The following NCKAP5 variants were observed in gnomAD, a reference collection of about 807,000 sequenced individuals.
The protein encoded by NCKAP5 is nck-associated protein 5.
In NCKAP5, 92 loss-of-function variants were observed where a neutral mutation model predicts 167.0. The observed-to-expected ratio is 0.55, with a 90% CI of 0.47 to 0.66. NCKAP5 has a LOEUF of 0.66. Ranked by LOEUF, NCKAP5 falls within the 30% of genes least tolerant of loss-of-function variation. The pLI, the probability that NCKAP5 is intolerant of heterozygous loss-of-function variation, is 0.00. For missense variants in NCKAP5, 2,378 were observed against 2,315.0 expected, an observed-to-expected ratio of 1.03 and a Z score of -0.56; for synonymous variants, 891 against 877.4, an observed-to-expected ratio of 1.02 and a Z score of -0.27.
chr2:133,168,795 CTTTATG>C (rs2084114797), intron 5 of NCKAP5, among the ~76,000 whole-genome samples: 1 of 152,086 alleles, frequency 6.6e-6, no homozygotes, highest in Non-Finnish European at 1.5e-5. Context: ...CACATTTGTT[CTTTATG>C]TTAATGGCAC....
intron 3 of NCKAP5, among the ~76,000 whole-genome samples, chr2:133,326,613 T>C (rs1216791261): frequency 6.6e-6 from 1 of 151,878 alleles, no homozygotes; most frequent in African/African-American, 2.4e-5. Context: ...TTGAAATGCT[T>C]TGCAGAAACC....
chr2:133,191,359 G>A (rs1288602934), intron 5 of NCKAP5, among the ~76,000 whole-genome samples: 1 of 152,208 alleles, frequency 6.6e-6, no homozygotes, highest in Non-Finnish European at 1.5e-5. Context: ...GTGGAAGACA[G>A]TGTGGCGATC....
chr2:132,764,279 GCAGT>G (rs1473070709), intron 16 of NCKAP5, among the ~76,000 whole-genome samples: 1 of 152,172 alleles, frequency 6.6e-6, no homozygotes, highest in African/African-American at 2.4e-5. Context: ...GTTGTAGTAG[GCAGT>G]CAATGAATAA....
intron 19 of NCKAP5, among the ~76,000 whole-genome samples, chr2:132,688,704 TGAA>T: frequency 6.6e-6 from 1 of 152,196 alleles, no homozygotes; most frequent in Non-Finnish European, 1.5e-5. Flanking sequence ...GGCTCTGAGA[TGAA>T]GAAGCACAGG....
intron 8 of NCKAP5, among the ~76,000 whole-genome samples, chr2:132,962,941 C>G (rs1453060399): frequency 6.6e-6 from 1 of 151,950 alleles, no homozygotes; most frequent in Non-Finnish European, 1.5e-5. Flanking sequence ...TCTGTAGACT[C>G]TATGGTAGAA....
At chr2:132,789,763 G>C (rs535887816) in intron 13 of NCKAP5, among the ~76,000 whole-genome samples, 3 of 152,246 alleles carry the variant, frequency 2.0e-5, no homozygotes, top group African/African-American at 7.2e-5. Context: ...GGAAATCTTG[G>C]CATGTATATA....
intron 4 of NCKAP5, among the ~76,000 whole-genome samples, chr2:133,274,776 G>A (rs545126885): frequency 2.0e-5 from 3 of 147,342 alleles, no homozygotes; most frequent in East Asian, 4.0e-4. Context: ...CTTTCTATGT[G>A]ATAATGGAAA....
At chr2:133,085,082 T>G (rs1018923136) in intron 6 of NCKAP5, among the ~76,000 whole-genome samples, 6 of 152,098 alleles carry the variant, frequency 3.9e-5, no homozygotes, top group African/African-American at 1.4e-4. Context: ...ACAAAAACAG[T>G]CAGGGTGGGG....
chr2:133,077,932 G>T (rs2080667443), intron 6 of NCKAP5, among the ~76,000 whole-genome samples: 1 of 152,168 alleles, frequency 6.6e-6, no homozygotes, highest in South Asian at 2.1e-4. Context: ...ATGCTTTTAT[G>T]TCTAAGAAAC....
At chr2:132,938,196 A>G (rs994149076) in intron 8 of NCKAP5, among the ~76,000 whole-genome samples, 2 of 152,154 alleles carry the variant, frequency 1.3e-5, no homozygotes, top group South Asian at 2.1e-4. Flanking sequence ...TTTGTCCCCA[A>G]ATATCTCCCC....
At chr2:133,380,169 C>T (rs1686419145) in intron 3 of NCKAP5, among the ~76,000 whole-genome samples, 1 of 151,994 alleles carries the variant, frequency 6.6e-6, no homozygotes, top group South Asian at 2.1e-4. Flanking sequence ...TAAGATTTAT[C>T]CTAGTATAAG....
chr2:133,607,098 C>A, the NCKAP5 span, among the ~76,000 whole-genome samples: 1 of 152,222 alleles, frequency 6.6e-6, no homozygotes, highest in Admixed American at 6.5e-5. Context: ...TACAATCTTT[C>A]TAATGGCTCT....
At chr2:133,320,941 G>A (rs906568641) in intron 3 of NCKAP5, among the ~76,000 whole-genome samples, 6 of 152,080 alleles carry the variant, frequency 3.9e-5, no homozygotes, top group Non-Finnish European at 5.9e-5. Flanking sequence ...ATTCCTGTGG[G>A]TGTCAGTTTT....
intron 3 of NCKAP5, among the ~76,000 whole-genome samples, chr2:133,319,614 C>T (rs1352125742): frequency 6.6e-6 from 1 of 152,092 alleles, no homozygotes; most frequent in African/African-American, 2.4e-5. Flanking sequence ...TTAAAATATA[C>T]ATATTTGGGA....
At chr2:133,497,335 C>G (rs1682035127) in intron 3 of NCKAP5, among the ~76,000 whole-genome samples, 1 of 152,210 alleles carries the variant, frequency 6.6e-6, no homozygotes, top group Non-Finnish European at 1.5e-5. Flanking sequence ...GCTCTGTTTT[C>G]TTAATACTCC....
chr2:132,961,969 T>C (rs559581996), intron 8 of NCKAP5, among the ~76,000 whole-genome samples: 1 of 152,348 alleles, frequency 6.6e-6, no homozygotes, highest in East Asian at 1.9e-4. Context: ...CTATCTTTTA[T>C]AGTGACTATC....
At chr2:133,037,576 G>A (rs151261916) in intron 6 of NCKAP5, among the ~76,000 whole-genome samples, 21 of 152,262 alleles carry the variant, frequency 1.4e-4, no homozygotes, top group South Asian at 6.2e-4. Flanking sequence ...AAATGGTACC[G>A]GTGAAACTGG....
intron 8 of NCKAP5, among the ~76,000 whole-genome samples, chr2:132,920,526 A>ATT (rs1695233978): frequency 6.6e-6 from 1 of 150,974 alleles, no homozygotes; most frequent in South Asian, 2.1e-4. Flanking sequence ...ATGGCCAAGA[A>ATT]TTAAGAAAGT....
At chr2:133,659,636 G>A in the NCKAP5 span, among the ~76,000 whole-genome samples, 20 of 152,214 alleles carry the variant, frequency 1.3e-4, no homozygotes, top group East Asian at 1.5e-3. Context: ...ACTGGGATTC[G>A]GGGGAGAATG....
Sources: allele counts gnomAD v4.1 joint callset (sites outside exome capture counted in the v4.1 genomes callset), GRCh38; gene constraint gnomAD v4.1.1; transcripts MANE v1.5; gene names NCBI Gene and HGNC (gene_info 2026-07-23, HGNC 2026-07-21).